SUGT1: variants seen among roughly 807,000 people sequenced by gnomAD.
The protein encoded by SUGT1 is SGT1 assembly cochaperone of MIS12 kinetochore complex.
SUGT1 carries 15 observed loss-of-function variants against 56.1 expected under a neutral mutation model. That is an observed-to-expected ratio of 0.27 (90% CI 0.18 to 0.41). The LOEUF is 0.41. Ranked by LOEUF, SUGT1 falls within the 10% of genes least tolerant of loss-of-function variation. The pLI is 1.00. For missense variants in SUGT1, 347 were observed against 382.2 expected (o/e 0.91, Z 0.77); for synonymous variants, 123 against 128.6 (o/e 0.96, Z 0.30).
chr13:52,673,820 C>T (rs1187547277), intron 10 of SUGT1, among the ~76,000 whole-genome samples: 3 of 152,172 alleles, frequency 2.0e-5, no homozygotes, highest in Non-Finnish European at 4.4e-5. Context: ...ATAATATTAA[C>T]AGTTCTTTTC....
intron 3 of SUGT1, 98 bp from the exon 4 acceptor site, chr13:52,658,301 C>T (rs2138108865): frequency 6.4e-7 from 1 of 1,564,802 alleles, no homozygotes; most frequent in Non-Finnish European, 8.6e-7. Flanking sequence ...GCATTTCTAC[C>T]AACTTGAAAA....
chr13:52,671,960 A>G (rs1962963701), intron 10 of SUGT1, among the ~76,000 whole-genome samples: 1 of 152,206 alleles, frequency 6.6e-6, no homozygotes, highest in Non-Finnish European at 1.5e-5. Flanking sequence ...CCACATCTCT[A>G]AAATATGGAT....
intron 2 of SUGT1, 117 bp from the exon 3 acceptor site, chr13:52,657,415 T>A: frequency 1.1e-6 from 1 of 874,822 alleles, no homozygotes; most frequent in Non-Finnish European, 1.8e-6. Flanking sequence ...ATATCCGTGT[T>A]ATCTTTCCTC....
chr13:52,679,372 CAAGTGTAGTACTTTAA>C (rs1963279681), intron 11 of SUGT1, among the ~76,000 whole-genome samples: 2 of 152,168 alleles, frequency 1.3e-5, no homozygotes, highest in African/African-American at 4.8e-5. Flanking sequence ...TTTAGATCAT[CAAGTGTAGTACTTTAA>C]ACATTTAGAA....
intron 11 of SUGT1, among the ~76,000 whole-genome samples, chr13:52,678,787 T>TC (rs11422327): frequency 0.99 from 150,571 of 151,688 alleles, 74,732 homozygotes; most frequent in East Asian, 1. Context: ...CAAGCAGTCC[T>TC]CTACCCCAAC....
At chr13:52,661,588 C>T (rs777657991) in intron 5 of SUGT1, 31 of 414,478 alleles carry the variant, frequency 7.5e-5, no homozygotes, top group Admixed American at 2.2e-4. Context: ...CCACCATGCC[C>T]GGCCAAAATC....
intron 11 of SUGT1, among the ~76,000 whole-genome samples, chr13:52,678,973 T>C (rs899765156): frequency 6.6e-6 from 1 of 152,150 alleles, no homozygotes; most frequent in Admixed American, 6.5e-5. Flanking sequence ...TGAGCCCCCA[T>C]GCCCGGCCTC....
At chr13:52,668,600 A>G (rs1962811217) in intron 10 of SUGT1, among the ~76,000 whole-genome samples, 1 of 152,178 alleles carries the variant, frequency 6.6e-6, no homozygotes, top group Non-Finnish European at 1.5e-5. Context: ...AAAGGGATGA[A>G]ATCTTACCAG....
chr13:52,686,072 C>T (rs897511052), intron 12 of SUGT1, among the ~76,000 whole-genome samples: 1 of 152,236 alleles, frequency 6.6e-6, no homozygotes, highest in South Asian at 2.1e-4. Context: ...GGACTACGGG[C>T]GCATGCCACT....
At chr13:52,681,986 A>G (rs1180234425) in intron 12 of SUGT1, among the ~76,000 whole-genome samples, 3 of 138,056 alleles carry the variant, frequency 2.2e-5, no homozygotes, top group Non-Finnish European at 4.5e-5. Flanking sequence ...TCAGATATGT[A>G]GTTTACACAT....
intron 5 of SUGT1, among the ~76,000 whole-genome samples, chr13:52,660,498 T>C (rs1394985711): frequency 1.3e-5 from 2 of 152,204 alleles, no homozygotes; most frequent in African/African-American, 4.8e-5. Flanking sequence ...TCTTAGTATT[T>C]TATGTTACAT....
chr13:52,671,429 T>C (rs1962932105), intron 10 of SUGT1, among the ~76,000 whole-genome samples: 2 of 152,172 alleles, frequency 1.3e-5, no homozygotes, highest in South Asian at 4.2e-4. Context: ...TGTAGCTTAT[T>C]TAGCCAGTCC....
chr13:52,679,887 T>C, intron 11 of SUGT1, 87 bp from the exon 12 acceptor site: 2 of 1,312,420 alleles, frequency 1.5e-6, no homozygotes, highest in Non-Finnish European at 2.0e-6. Context: ...TGCTAAGATG[T>C]TCCATATACA....
chr13:52,671,230 G>C (rs1962922948), intron 10 of SUGT1, among the ~76,000 whole-genome samples: 1 of 151,506 alleles, frequency 6.6e-6, no homozygotes, highest in Non-Finnish European at 1.5e-5. Context: ...TTTTTTAACT[G>C]AATTAGTTTA....
chr13:52,679,782 AACTG>A (rs1353290176), intron 11 of SUGT1, among the ~76,000 whole-genome samples, 188 bp from the exon 12 acceptor site: 1 of 152,204 alleles, frequency 6.6e-6, no homozygotes, highest in Non-Finnish European at 1.5e-5. Context: ...ACATTATGGT[AACTG>A]ACTCAGTTTT....
rs1963960067 is a variant in SUGT1, at chr13:52,697,027, TA to T, written c.*9194del. 1 of 151,636 alleles carries T rather than the reference TA, an allele frequency of 6.6e-6. No individual in the cohort carries two copies. Among genetic ancestry groups the T allele is most frequent in the South Asian group, 2.1e-4 (1 of 4,808 alleles). The allele number at this position is 151,636 out of a possible 1,614,324, so 9.4% of individuals were successfully genotyped here. ...TATTTTTATTTTTTATTTTTTTAGA[TA>T]AGGTCTTGCTCTTGCCCAGGCTGGA... On this transcript the variant is annotated 3_prime_UTR_variant, in exon 13 of 13. Coordinates refer to ENST00000310528, the MANE Select transcript of SUGT1 (RefSeq NM_006704.5).
At chr13:52,662,504 A>G (rs1036429783) in intron 5 of SUGT1, 145 bp from the exon 6 acceptor site, 15 of 601,206 alleles carry the variant, frequency 2.5e-5, no homozygotes, top group Middle Eastern at 2.7e-4. Flanking sequence ...AGAGTTGGTG[A>G]TAAGGTCTGT....
Position 52,662,662 on chromosome 13 carries a change from T to C in SUGT1, c.342T>C (p.Asn114=), listed in dbSNP as rs1187429682. The C allele has an allele frequency of 3.1e-6, 5 of 1,613,730 alleles. No homozygotes were observed. In the African/African-American group the frequency reaches 4.0e-5, roughly 13 times the overall value. The change falls in exon 6 of 13, where the codon AAT becomes AAC. Residue 114 remains asparagine, a synonymous_variant. Coordinates refer to ENST00000310528, the MANE Select transcript of SUGT1 (RefSeq NM_006704.5). ...EGQKLDSADA[N]FSVWIKRCQE... ...TTTTCTTTCTAGGTGCAGATGCTAA[T>C]TTCAGTGTCTGGATTAAAAGGTGTC... is the stretch of plus-strand genomic sequence containing the variant.
chr13:52,664,975 G>A (rs1042277847), intron 8 of SUGT1, among the ~76,000 whole-genome samples: 1 of 152,106 alleles, frequency 6.6e-6, no homozygotes, highest in African/African-American at 2.4e-5. Context: ...GGATTCCTAC[G>A]TTTCTAGAGC....
Sources: gnomAD v4.1 joint callset for allele counts (sites outside exome capture counted in the v4.1 genomes callset) on GRCh38, gnomAD v4.1.1 for gene constraint, MANE v1.5 for transcripts, NCBI Gene and HGNC (gene_info 2026-07-23, HGNC 2026-07-21) for gene names.